Variants in BRI3 observed in about 807,000 individuals in gnomAD.
BRI3 encodes the protein brain protein I3, also known as membrane protein BRI3.
A neutral mutation model predicts 12.8 loss-of-function variants in BRI3; 6 were observed. The ratio of observed to expected loss-of-function variants is 0.47; its 90% confidence interval spans 0.26 to 0.93. The LOEUF is 0.93. Among genes scored for constraint, BRI3 ranks in the 40% least tolerant of loss-of-function variants. The probability of loss-of-function intolerance (pLI) is 0.15; values close to 1 mark genes in which losing one functional copy is unlikely to be tolerated. For synonymous variants in BRI3, 91 were observed against 76.1 expected (o/e 1.20, Z -1.02); for missense variants, 134 against 171.1 (o/e 0.78, Z 1.21).
upstream of BRI3, chr7:98,304,324 C>T (rs767946452): frequency 1.2e-6 from 2 of 1,613,602 alleles, no homozygotes; most frequent in East Asian, 4.5e-5. Context: ...GGGATGACAA[C>T]ACTGCTATTC....
exon 2 of BRI3, chr7:98,308,305 A>G (rs1174979792): frequency 2.2e-6 from 1 of 461,494 alleles, no homozygotes; most frequent in East Asian, 6.8e-5. Flanking sequence ...CCAACTGCCA[A>G]TGTCCACAAA....
the BRI3 span, among the ~76,000 whole-genome samples, chr7:98,319,802 TGGCC>T: frequency 2.0e-5 from 3 of 152,186 alleles, no homozygotes; most frequent in Non-Finnish European, 2.9e-5. Context: ...CCGCCTGCCT[TGGCC>T]TCCCAAAGTG....
chr7:98,285,949 G>A (rs1297134685), intron 2 of BRI3, among the ~76,000 whole-genome samples: 3 of 152,208 alleles, frequency 2.0e-5, no homozygotes, highest in Admixed American at 6.5e-5. Context: ...GCCTTCCAGC[G>A]GGGTGGTGGT....
the BRI3 span, chr7:98,320,163 T>G: frequency 1.3e-6 from 2 of 1,598,254 alleles, no homozygotes; most frequent in Non-Finnish European, 1.7e-6. Context: ...CATACCAGGT[T>G]TGAGATTTTA....
chr7:98,299,746 TTAAAA>T (rs1270966224), intron 1 of BRI3, among the ~76,000 whole-genome samples: 5 of 152,192 alleles, frequency 3.3e-5, no homozygotes, highest in South Asian at 2.1e-4. Context: ...ATATGGCTAC[TTAAAA>T]TAAAATTTGC....
the BRI3 span, chr7:98,315,726 ATAGAG>A: frequency 1.6e-5 from 7 of 429,432 alleles, no homozygotes; most frequent in Non-Finnish European, 2.2e-5. Flanking sequence ...TATTTGAATA[ATAGAG>A]TAAATACATG....
chr7:98,316,775 TCC>T, the BRI3 span, among the ~76,000 whole-genome samples: 1 of 151,832 alleles, frequency 6.6e-6, no homozygotes, highest in Admixed American at 6.6e-5. Context: ...CTTCATCCAC[TCC>T]CCAGTCAACA....
At chr7:98,302,360 G>A (rs143063818), upstream of BRI3, among the ~76,000 whole-genome samples, 4 of 152,282 alleles carry the variant, frequency 2.6e-5, no homozygotes, top group East Asian at 7.7e-4. Context: ...GTGATTTTTG[G>A]GGGCAAGATT....
chr7:98,300,390 T>C (rs1475436132), intron 1 of BRI3, among the ~76,000 whole-genome samples: 1 of 152,126 alleles, frequency 6.6e-6, no homozygotes, highest in Admixed American at 6.5e-5. Flanking sequence ...CTAACAGGAG[T>C]GCTGTCTACA....
At chr7:98,307,664 C>A in exon 2 of BRI3, 1 of 1,612,322 alleles carries the variant, frequency 6.2e-7, no homozygotes, top group South Asian at 1.1e-5. Flanking sequence ...TGGTGCCCTG[C>A]GGGGACCATC....
chr7:98,305,781 G>GA (rs1409439779), upstream of BRI3, among the ~76,000 whole-genome samples: 2 of 152,140 alleles, frequency 1.3e-5, no homozygotes, highest in Non-Finnish European at 2.9e-5. Context: ...AGAATTAAGT[G>GA]AAAAAATCAA....
At chr7:98,294,024 A>T, downstream of BRI3, 1 of 1,598,214 alleles carries the variant, frequency 6.3e-7, no homozygotes, top group Non-Finnish European at 8.6e-7. Flanking sequence ...GGGACACTAC[A>T]GGGAAGAGCA....
At chr7:98,304,408 G>A, upstream of BRI3, 14 of 1,609,514 alleles carry the variant, frequency 8.7e-6, no homozygotes, top group African/African-American at 1.3e-5. Flanking sequence ...GCACGTGTTA[G>A]ATAATGTCTC....
At chr7:98,292,544 T>G (rs1347048481), downstream of BRI3, 8 of 1,217,808 alleles carry the variant, frequency 6.6e-6, no homozygotes, top group Non-Finnish European at 4.7e-6. Context: ...AGCCCCGGGC[T>G]CAGGGCAGCC....
At chr7:98,304,471 G>C (rs1448546258), upstream of BRI3, 11 of 1,219,994 alleles carry the variant, frequency 9.0e-6, no homozygotes, top group East Asian at 2.7e-4. Flanking sequence ...AACAGTAATA[G>C]TACATCACCA....
At chr7:98,310,513 G>A (rs771469558), downstream of BRI3, 1 of 1,606,044 alleles carries the variant, frequency 6.2e-7, no homozygotes, top group East Asian at 2.2e-5. Flanking sequence ...ATCGATCAAG[G>A]GACTGGTATA....
the BRI3 span, among the ~76,000 whole-genome samples, chr7:98,316,932 C>T: frequency 2.6e-5 from 4 of 151,400 alleles, no homozygotes; most frequent in East Asian, 1.9e-4. Flanking sequence ...GGCATAATCT[C>T]GGCTCACTGC....
At chr7:98,315,626 A>ATAATG in the BRI3 span, 1 of 1,077,250 alleles carries the variant, frequency 9.3e-7, no homozygotes, top group Non-Finnish European at 1.2e-6. Context: ...AAAAAAAAAA[A>ATAATG]ATAATAATAA....
chr7:98,297,012 G>A (rs1380528447), downstream of BRI3, among the ~76,000 whole-genome samples: 1 of 152,208 alleles, frequency 6.6e-6, no homozygotes, highest in Non-Finnish European at 1.5e-5. Flanking sequence ...CACTGCCACC[G>A]GCACCCAGGG....
Sources: allele counts gnomAD v4.1 joint callset (sites outside exome capture counted in the v4.1 genomes callset), GRCh38; gene constraint gnomAD v4.1.1; transcripts MANE v1.5; gene names NCBI Gene and HGNC (gene_info 2026-07-23, HGNC 2026-07-21).